MIER2: variants seen among roughly 807,000 people sequenced by gnomAD.
MIER2 encodes the protein MIER family member 2.
In MIER2, 30 loss-of-function variants were observed where a neutral mutation model predicts 67.6. The observed-to-expected ratio is 0.44, with a 90% CI of 0.33 to 0.60. The LOEUF is 0.60. MIER2 is among the 20% of genes least tolerant of loss of function. MIER2 has a pLI of 0.02. For synonymous variants in MIER2, 372 were observed against 312.6 expected, an observed-to-expected ratio of 1.19 and a Z score of -2.00; for missense variants, 702 against 745.1, an observed-to-expected ratio of 0.94 and a Z score of 0.67.
Position 306,509 on chromosome 19 carries a change from T to G in MIER2, c.*181A>C, listed in dbSNP as rs551265741. 1.3e-4 allele frequency: 105 copies of G among 825,520 alleles called. 1 individual carries two copies. In the East Asian group the frequency reaches 2.5e-3, roughly 20 times the overall value. 51.1% of individuals were successfully genotyped at this position (825,520 alleles called of 1,614,324 possible). A position where few individuals can be genotyped will look rare whatever the true frequency, so the allele number is the denominator to read the frequency against. On this transcript the variant is annotated 3_prime_UTR_variant, in exon 14 of 14. Coordinates refer to ENST00000264819, the MANE Select transcript of MIER2 (RefSeq NM_017550.3). ...GGTGGGGCCGTGGGTCCATTCTGTGTGGACAGGGGCAAGGGCTCACGGCCC... is the reference window on the plus strand; with the variant it reads ...GGTGGGGCCGTGGGTCCATTCTGTGGGGACAGGGGCAAGGGCTCACGGCCC...
Position 327,169 on chromosome 19 carries a change from G to A in MIER2, c.457C>T (p.His153Tyr). 1 of 1,594,790 alleles carries A rather than the reference G, an allele frequency of 6.3e-7. No homozygotes were observed. Among genetic ancestry groups the A allele is most frequent in the African/African-American group, 1.4e-5 (1 of 73,056 alleles). The change falls in exon 5 of 14, where the codon CAC (histidine) becomes TAC (tyrosine). Residue 153 changes from histidine (H) to tyrosine (Y), a missense_variant. Physicochemically the swap from His to Tyr is moderately conservative, Grantham distance 83. Transcript: ENST00000264819. Reference protein sequence around the residue: ...ADDLTPSVTSHEASDLFPNRS... With the variant: ...ADDLTPSVTSYEASDLFPNRS... ...TTAGGGAAGAGGTCGGAGGCCTCGT[G>A]GGAGGTCACGGACGGGGTGAGGTCG...
At chr19:323,406 A>G (rs1270351669) in intron 7 of MIER2, among the ~76,000 whole-genome samples, 1 of 151,768 alleles carries the variant, frequency 6.6e-6, no homozygotes, top group Non-Finnish European at 1.5e-5. Flanking sequence ...CAAAGAACAG[A>G]CATCATCACA....
rs148338534 is a variant in MIER2 at position 325,584 on chromosome 19, C to A, written c.655+51G>T. 2.0e-3 allele frequency: 3,136 copies of A among 1,602,804 alleles called. 39 individuals are homozygous for A. The East Asian group carries it at 0.038, about 19-fold the overall frequency. On this transcript the variant is annotated intron_variant, in intron 7 of 13. Transcript: ENST00000264819. ...CCAAGGATCTGACGTCCAGCCAGGC[C>A]ACTCCCCTTGCAGAAGTGGGTTTCG...
chr19:307,691 C>T (rs185422029), intron 12 of MIER2, among the ~76,000 whole-genome samples, 155 bp from the exon 13 acceptor site: 119 of 152,310 alleles, frequency 7.8e-4, no homozygotes, highest in African/African-American at 2.7e-3. Context: ...CACTGAAATC[C>T]GCGAGCCCCA....
chr19:313,771 C>G (rs930496505), intron 7 of MIER2, 128 bp from the exon 8 acceptor site: 47 of 1,308,940 alleles, frequency 3.6e-5, no homozygotes, highest in Non-Finnish European at 4.7e-5. Context: ...CTTTCCCAAG[C>G]CCTGGGCCGC....
At chr19:328,780 G>A (rs768674982) in intron 3 of MIER2, among the ~76,000 whole-genome samples, 7 of 152,036 alleles carry the variant, frequency 4.6e-5, no homozygotes, top group Admixed American at 1.3e-4. Context: ...CTATGTAAAC[G>A]GATGCTTCAT....
chr19:334,221 G>C, intron 3 of MIER2, 179 bp downstream of exon 3: 1 of 825,504 alleles, frequency 1.2e-6, no homozygotes, highest in Non-Finnish European at 1.9e-6. Context: ...GCTGCTCAGA[G>C]AGCCCCATGA....
chr19:308,213 C>G lies in MIER2; in HGVS notation c.1198+364G>C, dbSNP rs953043391. ...AAGATCCTGGCGACGGCTCCGGACA[C>G]CCTGTCCTTCCTGAGTGTCCTGGTG... is the stretch of plus-strand genomic sequence containing the variant. On this transcript the variant is annotated intron_variant, in intron 12 of 13. Coordinates refer to ENST00000264819, the MANE Select transcript of MIER2 (RefSeq NM_017550.3). The surrounding 1 kb of genome is among the most constrained non-coding windows in gnomAD (Gnocchi z 9.1). Among the ~76,000 whole-genome samples the G allele has an allele frequency of 1.3e-5, 2 of 152,202 alleles. No individual in the cohort carries two copies. Among genetic ancestry groups the G allele is most frequent in the African/African-American group, 4.8e-5 (2 of 41,450 alleles).
chr19:314,584 C>T (rs372672719), intron 7 of MIER2, among the ~76,000 whole-genome samples: 4 of 152,146 alleles, frequency 2.6e-5, no homozygotes, highest in Admixed American at 6.5e-5. Context: ...AACTAGCTCC[C>T]AGGTTGGTGC....
intron 3 of MIER2, 189 bp downstream of exon 3, chr19:334,211 G>T: frequency 2.7e-6 from 2 of 740,106 alleles, no homozygotes; most frequent in Non-Finnish European, 4.4e-6. Flanking sequence ...TGACCACCGT[G>T]CTGCTCAGAG....
Position 341,085 on chromosome 19 carries a change from G to A in MIER2, c.9+3689C>T, listed in dbSNP as rs557335134. Reference sequence around the variant, plus strand: ...CAGCCACACGCGGTGTGAAGCCACAGGGAAAGCATCCTAAGTGACCTCTGA... The same window carrying A: ...CAGCCACACGCGGTGTGAAGCCACAAGGAAAGCATCCTAAGTGACCTCTGA... On this transcript the variant is annotated intron_variant, in intron 1 of 13. Transcript: ENST00000264819. Among the ~76,000 whole-genome samples, 18 of 152,288 alleles carry A rather than the reference G, an allele frequency of 1.2e-4. No homozygotes were observed. In the South Asian group the frequency reaches 3.5e-3, roughly 30 times the overall value.
intron 7 of MIER2, among the ~76,000 whole-genome samples, chr19:324,296 C>T (rs1298944637): frequency 7.7e-6 from 1 of 130,614 alleles, no homozygotes; most frequent in Non-Finnish European, 1.6e-5. Context: ...CAATGCAATA[C>T]ACAAGACACA....
intron 4 of MIER2, 97 bp from the exon 5 acceptor site, chr19:327,353 G>T: frequency 2.8e-6 from 4 of 1,417,204 alleles, no homozygotes; most frequent in Non-Finnish European, 3.8e-6. Context: ...GGAGTGCCCT[G>T]AGGCTCACAT....
At chr19:344,081 G>A (rs981015522) in intron 1 of MIER2, 1 of 985,452 alleles carries the variant, frequency 1.0e-6, no homozygotes. Context: ...AAGGGTCCCG[G>A]GCTTGTTTCC....
Position 308,569 on chromosome 19 carries a change from A to G in MIER2, c.1198+8T>C, listed in dbSNP as rs1196840326. The G allele has an allele frequency of 1.3e-6, 2 of 1,594,252 alleles. No homozygotes were observed. Among genetic ancestry groups the G allele is most frequent in the Admixed American group, 1.8e-5 (1 of 57,112 alleles). ...CCCCCAGGGCAGGAGATACTCCCCA[A>G]GCCTCACCTGTGCGCATCCCAGTCA... On this transcript the variant is annotated splice_region_variant and intron_variant, in intron 12 of 13. Transcript: ENST00000264819. The surrounding 1 kb of genome is among the most constrained non-coding windows in gnomAD (Gnocchi z 9.1).
In MIER2 at chr19:307,903, G is replaced by C. The variant is rs1600105201; in HGVS notation, c.1199-367C>G. 3.3e-5 allele frequency among the ~76,000 whole-genome samples: 4 copies of C among 121,856 alleles called. 1 individual carries two copies. The highest frequency in any genetic ancestry group is 3.0e-4 in the Admixed American group (4 of 13,408). The allele number at this position is 121,856 out of a possible 152,430, so 79.9% of individuals were successfully genotyped here. A position where few individuals can be genotyped will look rare whatever the true frequency, so the allele number is the denominator to read the frequency against. On this transcript the variant is annotated intron_variant, in intron 12 of 13. Coordinates refer to ENST00000264819, the MANE Select transcript of MIER2 (RefSeq NM_017550.3). ...GGGGGCGCTGCGAGGGCTAATACAG[G>C]GTCTTTGGAAGTTTTGTTCCCACAG...
chr19:325,005 C>A (rs554004832), intron 7 of MIER2, among the ~76,000 whole-genome samples: 1 of 152,254 alleles, frequency 6.6e-6, no homozygotes, highest in East Asian at 1.9e-4. Flanking sequence ...AGTACTTCTG[C>A]TGCACCTGTC....
chr19:324,778 G>T lies in MIER2; in HGVS notation c.655+857C>A, dbSNP rs1267538020. Among the ~76,000 whole-genome samples, 3 of 152,220 alleles carry T rather than the reference G, an allele frequency of 2.0e-5. 1 individual carries two copies. The South Asian group carries it at 6.2e-4, about 31-fold the overall frequency. ...GCTGCTCCAGACAGGGCACCCTCAT[G>T]GGGGGTGAGTCAGGGTGGGGAAAGG... On this transcript the variant is annotated intron_variant, in intron 7 of 13. Coordinates refer to ENST00000264819, the MANE Select transcript of MIER2 (RefSeq NM_017550.3).
In MIER2 at chr19:340,259, C is replaced by T. The variant is rs905871927; in HGVS notation, c.10-4086G>A. ...CCCATCACACTACTGGGGAACACAA[C>T]GGCTAGTACAGTTGACCCTTGAACA... On this transcript the variant is annotated intron_variant, in intron 1 of 13. Coordinates refer to ENST00000264819, the MANE Select transcript of MIER2 (RefSeq NM_017550.3). 7.9e-5 allele frequency among the ~76,000 whole-genome samples: 12 copies of T among 152,298 alleles called. No individual in the cohort carries two copies. In the East Asian group the frequency reaches 9.7e-4, roughly 12 times the overall value.
Sources: allele counts gnomAD v4.1 joint callset (sites outside exome capture counted in the v4.1 genomes callset), GRCh38; gene constraint gnomAD v4.1.1; non-coding constraint Gnocchi (gnomAD v3.1); transcripts MANE v1.5; gene names NCBI Gene and HGNC (gene_info 2026-07-23, HGNC 2026-07-21).